The following TENM2 variants were observed in gnomAD, a reference collection of about 807,000 sequenced individuals.
The protein encoded by TENM2 is teneurin transmembrane protein 2.
In TENM2, 52 loss-of-function variants were observed where a neutral mutation model predicts 245.2. The observed-to-expected ratio is 0.21, with a 90% CI of 0.17 to 0.27. The LOEUF (loss-of-function observed/expected upper bound fraction) is 0.27, where lower values mean the gene tolerates loss of function less well. TENM2 is among the 10% of genes least tolerant of loss of function. TENM2 has a pLI of 1.00. For missense variants in TENM2, 3,046 were observed against 3,666.8 expected (o/e 0.83, Z 4.37); for synonymous variants, 1,363 against 1,438.9 (o/e 0.95, Z 1.19).
At chr5:167,298,955 T>C (rs1034758740) in intron 1 of TENM2, among the ~76,000 whole-genome samples, 2 of 152,094 alleles carry the variant, frequency 1.3e-5, no homozygotes, top group Non-Finnish European at 2.9e-5. Flanking sequence ...TCCGAGTTGG[T>C]CTGGTGTCTG....
the TENM2 span, among the ~76,000 whole-genome samples, chr5:167,211,734 A>C: frequency 6.6e-6 from 1 of 152,198 alleles, no homozygotes; most frequent in African/African-American, 2.4e-5. Flanking sequence ...CTGACTGATC[A>C]TGGTAACAAT....
At chr5:167,825,040 T>A (rs1168329179) in intron 2 of TENM2, among the ~76,000 whole-genome samples, 1 of 151,944 alleles carries the variant, frequency 6.6e-6, no homozygotes, top group Non-Finnish European at 1.5e-5. Flanking sequence ...TGGAGACAAA[T>A]TTTCAAGCGT....
chr5:167,902,014 C>T (rs1363387452), intron 3 of TENM2, among the ~76,000 whole-genome samples: 4 of 152,202 alleles, frequency 2.6e-5, no homozygotes, highest in Non-Finnish European at 2.9e-5. Flanking sequence ...CCTAAGTAAT[C>T]GTCCTATCCT....
chr5:167,081,387 C>A, the TENM2 span, among the ~76,000 whole-genome samples: 3 of 151,828 alleles, frequency 2.0e-5, no homozygotes, highest in Non-Finnish European at 4.4e-5. Context: ...TCTTTGTGTG[C>A]CTTTTAGGAG....
intron 25 of TENM2, among the ~76,000 whole-genome samples, chr5:168,231,611 CT>C (rs1764913308): frequency 6.6e-6 from 1 of 152,028 alleles, no homozygotes; most frequent in South Asian, 2.1e-4. Context: ...TTAGAAAGCT[CT>C]CTCCAGCCTG....
intron 1 of TENM2, among the ~76,000 whole-genome samples, chr5:167,329,138 G>C (rs1757276657): frequency 6.6e-6 from 1 of 152,154 alleles, no homozygotes; most frequent in South Asian, 2.1e-4. Context: ...ACCCCTGTGG[G>C]AGATGAGTCT....
chr5:167,171,118 T>A, the TENM2 span, among the ~76,000 whole-genome samples: 1 of 152,168 alleles, frequency 6.6e-6, no homozygotes, highest in African/African-American at 2.4e-5. Flanking sequence ...TAATGACTGT[T>A]GCCCCTTTGG....
intron 2 of TENM2, among the ~76,000 whole-genome samples, chr5:167,825,761 T>C (rs1767918624): frequency 6.6e-6 from 1 of 151,962 alleles, no homozygotes; most frequent in South Asian, 2.1e-4. Flanking sequence ...GGGCCGGGCA[T>C]TTAATATTTG....
At chr5:167,016,000 A>G in the TENM2 span, among the ~76,000 whole-genome samples, 1 of 152,056 alleles carries the variant, frequency 6.6e-6, no homozygotes, top group Non-Finnish European at 1.5e-5. Context: ...CACCCCTGTA[A>G]TCCCAGCACT....
chr5:167,801,129 T>A (rs1337499891), intron 2 of TENM2, among the ~76,000 whole-genome samples: 1,644 of 98,672 alleles, frequency 0.017, 75 homozygotes, highest in East Asian at 0.076. Context: ...TATATATATA[T>A]ATATATATAT....
At chr5:168,229,668 C>CTTTT (rs1229912659) in intron 25 of TENM2, 2 of 152,160 alleles carry the variant, frequency 1.3e-5, no homozygotes, top group Non-Finnish European at 2.9e-5. Flanking sequence ...TGGGTTGTAA[C>CTTTT]TTTTTTGCTG....
the TENM2 span, among the ~76,000 whole-genome samples, chr5:166,997,559 G>T: frequency 1.3e-5 from 2 of 152,164 alleles, no homozygotes; most frequent in Non-Finnish European, 2.9e-5. Flanking sequence ...ACATAAATGG[G>T]TAGCTTCTTA....
intron 2 of TENM2, among the ~76,000 whole-genome samples, chr5:167,708,617 G>A (rs891347510): frequency 5.9e-5 from 9 of 152,120 alleles, no homozygotes; most frequent in African/African-American, 2.2e-4. Context: ...GAGGACTTGG[G>A]TAGAGGACCG....
chr5:167,072,968 T>C, the TENM2 span, among the ~76,000 whole-genome samples: 2 of 152,214 alleles, frequency 1.3e-5, no homozygotes, highest in African/African-American at 4.8e-5. Context: ...CGTTGAAGGA[T>C]AACAAATAGA....
At chr5:167,361,473 A>G (rs939811840) in intron 1 of TENM2, among the ~76,000 whole-genome samples, 23 of 152,318 alleles carry the variant, frequency 1.5e-4, no homozygotes, top group Admixed American at 1.4e-3. Context: ...GTAACTGGAC[A>G]TTTGTAATTT....
intron 2 of TENM2, among the ~76,000 whole-genome samples, chr5:167,875,147 A>G (rs1373430473): frequency 6.6e-6 from 1 of 152,158 alleles, no homozygotes. Flanking sequence ...GGCCATGAAG[A>G]AATGTAAGCA....
At chr5:167,960,130 AC>A (rs1436181303) in intron 4 of TENM2, among the ~76,000 whole-genome samples, 1 of 152,186 alleles carries the variant, frequency 6.6e-6, no homozygotes, top group East Asian at 1.9e-4. Flanking sequence ...GTGTCTGTCA[AC>A]CCATGCTGGT....
chr5:167,322,163 CTGAT>C (rs766822614), intron 1 of TENM2, among the ~76,000 whole-genome samples: 92 of 151,744 alleles, frequency 6.1e-4, no homozygotes, highest in Non-Finnish European at 1.1e-3. Context: ...TCTTGACACT[CTGAT>C]TTGTGTGTTT....
intron 15 of TENM2, 85 bp from the exon 18 acceptor site, chr5:168,198,768 A>G: frequency 6.7e-7 from 1 of 1,502,592 alleles, no homozygotes; most frequent in Admixed American, 1.8e-5. Context: ...TGCCCATCGC[A>G]TGGCCATCAG....
Sources: gnomAD v4.1 joint callset for allele counts (sites outside exome capture counted in the v4.1 genomes callset) on GRCh38, gnomAD v4.1.1 for gene constraint, MANE v1.5 for transcripts, NCBI Gene and HGNC (gene_info 2026-07-23, HGNC 2026-07-21) for gene names.